Variants in DOCK2 observed in about 807,000 individuals in gnomAD.
DOCK2 encodes dedicator of cytokinesis protein 2.
In DOCK2, 87 loss-of-function variants were observed where a neutral mutation model predicts 248.9. That is an observed-to-expected ratio of 0.35 (90% CI 0.29 to 0.42). DOCK2 has a LOEUF of 0.42. Among genes scored for constraint, DOCK2 ranks in the 10% least tolerant of loss-of-function variants. The pLI is 1.00. For missense variants in DOCK2, 1,747 were observed against 2,300.2 expected (o/e 0.76, Z 4.92); for synonymous variants, 805 against 821.6 (o/e 0.98, Z 0.35).
At chr5:169,750,879 C>T (rs1763859562) in intron 23 of DOCK2, among the ~76,000 whole-genome samples, 2 of 152,186 alleles carry the variant, frequency 1.3e-5, no homozygotes, top group African/African-American at 4.8e-5. Flanking sequence ...GTGTCAAGCC[C>T]ATGTGATGTC....
chr5:169,862,412 A>G (rs1041089467), intron 27 of DOCK2, among the ~76,000 whole-genome samples: 3 of 152,230 alleles, frequency 2.0e-5, no homozygotes, highest in Non-Finnish European at 4.4e-5. Flanking sequence ...AAAATTACAT[A>G]AGAGGTCCCA....
intron 27 of DOCK2, chr5:169,883,846 A>G: frequency 6.5e-7 from 1 of 1,541,674 alleles, no homozygotes; most frequent in South Asian, 1.2e-5. Flanking sequence ...CACTGATTCT[A>G]GACTGTTACG....
At position 170,030,836 on chromosome 5, in the gene DOCK2, A is replaced by G. The variant is rs539519898; in HGVS notation, c.3467+2888A>G. Among the ~76,000 whole-genome samples, 11 of 152,222 alleles carry G rather than the reference A, an allele frequency of 7.2e-5. No homozygotes were observed. The South Asian group carries it at 2.3e-3, about 32-fold the overall frequency. On this transcript the variant is annotated intron_variant, in intron 34 of 51. Transcript: ENST00000520908. ...CCCTCTTTCAGGGCCTCACTGATAC[A>G]CAGGGCCCCCACTGGGCAGATACAG...
At chr5:169,688,728 T>G (rs1162495441) in intron 8 of DOCK2, among the ~76,000 whole-genome samples, 1 of 152,216 alleles carries the variant, frequency 6.6e-6, no homozygotes. Context: ...AACAGTTATT[T>G]AATTGTATCT....
At chr5:169,723,939 C>T (rs1031380205) in intron 22 of DOCK2, among the ~76,000 whole-genome samples, 4 of 152,154 alleles carry the variant, frequency 2.6e-5, no homozygotes, top group African/African-American at 9.7e-5. Context: ...AGTAAGCACT[C>T]ATTAAGTATG....
chr5:169,862,654 A>C (rs554501869), intron 27 of DOCK2, among the ~76,000 whole-genome samples: 2 of 152,378 alleles, frequency 1.3e-5, no homozygotes, highest in South Asian at 4.1e-4. Flanking sequence ...CACTAGAAAC[A>C]GAACAAGAAC....
chr5:169,980,276 C>T (rs532843277), intron 27 of DOCK2: 1 of 152,194 alleles, frequency 6.6e-6, no homozygotes, highest in Non-Finnish European at 1.5e-5. Flanking sequence ...ACATCTCTTA[C>T]CTTGAAGCAG....
intron 23 of DOCK2, among the ~76,000 whole-genome samples, chr5:169,752,373 T>G (rs1763943047): frequency 6.6e-6 from 1 of 152,110 alleles, no homozygotes; most frequent in Non-Finnish European, 1.5e-5. Flanking sequence ...ACTCTGCCAT[T>G]TATATCCCCA....
rs572620907 is a variant in DOCK2 at position 169,943,327 on chromosome 5, C to T, written c.2800-39741C>T. ...AGCAGTAGCTGTCTAAAGGTTGATC[C>T]CACCCTGAGATCCAGGCCCTGTGGA... On this transcript the variant is annotated intron_variant, in intron 27 of 51. Transcript: ENST00000520908. 3.9e-5 allele frequency among the ~76,000 whole-genome samples: 6 copies of T among 152,182 alleles called. No individual in the cohort carries two copies. The South Asian group carries it at 1.2e-3, about 32-fold the overall frequency.
rs1370982915 is a variant in DOCK2 at position 170,008,592 on chromosome 5, G to A, written c.3168G>A (p.Leu1056=). 1.2e-6 allele frequency: 2 copies of A among 1,614,102 alleles called. No individual in the cohort carries two copies. The highest frequency in any genetic ancestry group is 1.7e-6 in the Non-Finnish European group (2 of 1,179,990). The change falls in exon 31 of 52, where the codon CTG becomes CTA. Residue 1056 remains leucine (L), a synonymous_variant. Transcript: ENST00000520908. ...CACACGCCAAATACAACAAAATCCT[G>A]AATAAGTAGGTTGCATTTTTGGATT... ...QFSHAKYNKI[L]NKYGDMRRLI...
At chr5:169,695,374 A>G (rs1760552819) in intron 9 of DOCK2, 1 of 174,218 alleles carries the variant, frequency 5.7e-6, no homozygotes, top group African/African-American at 2.4e-5. Context: ...GGTAGCTGTT[A>G]TGATTTTTTT....
chr5:169,773,567 C>A (rs1255741850), intron 25 of DOCK2, among the ~76,000 whole-genome samples: 1 of 151,950 alleles, frequency 6.6e-6, no homozygotes, highest in Non-Finnish European at 1.5e-5. Flanking sequence ...TGGAATGATT[C>A]TTTGCATTAA....
At position 170,008,532 on chromosome 5, in the gene DOCK2, T is replaced by C; in HGVS notation, c.3108T>C (p.Phe1036=). ...ACTATTTTCATCTGGCAGTGGCTTT[T>C]ATCACCCAGGATTCTCTGCAGCTGG... The part of the protein sequence containing the change: ...WNNYFHLAVA[F]ITQDSLQLEQ... The change falls in exon 31 of 52, where the codon TTT becomes TTC. Residue 1036 remains phenylalanine, a synonymous_variant. Transcript: ENST00000520908. 6.2e-7 allele frequency: 1 copy of C among 1,614,142 alleles called. No homozygotes were observed. Among genetic ancestry groups the C allele is most frequent in the Admixed American group, 1.7e-5 (1 of 60,018 alleles).
In DOCK2 at chr5:169,700,084, G is replaced by C. The variant is rs745786837; in HGVS notation, c.1203G>C (p.Val401=). ...IQIRKDYPHL[V]DRTTVVARKL... ...TTCGCAAGGACTATCCACACCTGGT[G>C]GACAGGACCACCGTGGTGGCCAGGA... Residue 401 remains valine, a synonymous_variant, in exon 13 of 52, where the codon GTG becomes GTC. Coordinates refer to ENST00000520908, the MANE Select transcript of DOCK2 (RefSeq NM_004946.3). 3 of 1,613,932 alleles carry C rather than the reference G, an allele frequency of 1.9e-6. No individual in the cohort carries two copies. The African/African-American group carries it at 4.0e-5, about 22-fold the overall frequency.
intron 27 of DOCK2, among the ~76,000 whole-genome samples, chr5:169,945,297 C>CG (rs1776401794): frequency 6.6e-6 from 1 of 152,186 alleles, no homozygotes; most frequent in Non-Finnish European, 1.5e-5. Flanking sequence ...AGGCATATAC[C>CG]GAGTGGTAGT....
At chr5:169,913,190 C>T (rs1424391476) in intron 27 of DOCK2, among the ~76,000 whole-genome samples, 2 of 152,146 alleles carry the variant, frequency 1.3e-5, no homozygotes, top group South Asian at 2.1e-4. Flanking sequence ...CTAGCGGAGT[C>T]GGAATGTGCT....
intron 8 of DOCK2, among the ~76,000 whole-genome samples, chr5:169,687,185 T>G (rs989401842): frequency 6.6e-6 from 1 of 152,160 alleles, no homozygotes; most frequent in Non-Finnish European, 1.5e-5. Context: ...AGCATTTCAC[T>G]AACAACAGTA....
chr5:169,888,204 A>G (rs904154893), intron 27 of DOCK2, among the ~76,000 whole-genome samples: 2 of 152,192 alleles, frequency 1.3e-5, no homozygotes, highest in Non-Finnish European at 2.9e-5. Flanking sequence ...CCTTGCACAG[A>G]CACATCGTGG....
chr5:170,068,798 A>T (rs1041577232), intron 45 of DOCK2, among the ~76,000 whole-genome samples: 3 of 152,090 alleles, frequency 2.0e-5, no homozygotes, highest in African/African-American at 7.2e-5. Context: ...ACGGGTCCTC[A>T]CCCCACCCCC....
Sources: allele counts gnomAD v4.1 joint callset (sites outside exome capture counted in the v4.1 genomes callset), GRCh38; gene constraint gnomAD v4.1.1; transcripts MANE v1.5; gene names NCBI Gene and HGNC (gene_info 2026-07-23, HGNC 2026-07-21).